Variants in SPMIP2 observed in about 807,000 individuals in gnomAD.
SPMIP2 encodes sperm microtubule inner protein 2.
the SPMIP2 span, among the ~76,000 whole-genome samples, chr4:158,894,170 CTTT>C: frequency 1.4e-4 from 18 of 127,450 alleles, no homozygotes; most frequent in Non-Finnish European, 1.5e-4. Context: ...AAAATGTTTT[CTTT>C]TTTTTTTTTT....
the SPMIP2 span, among the ~76,000 whole-genome samples, chr4:159,017,805 G>A: frequency 6.6e-6 from 1 of 152,198 alleles, no homozygotes; most frequent in Non-Finnish European, 1.5e-5. Flanking sequence ...CAAGAGCTCA[G>A]AGCCAAGGAG....
chr4:158,900,392 C>A, the SPMIP2 span, among the ~76,000 whole-genome samples: 2 of 152,078 alleles, frequency 1.3e-5, no homozygotes, highest in African/African-American at 4.8e-5. Flanking sequence ...GTCCTGAATA[C>A]CCTGTTAATT....
At chr4:158,978,304 T>C in the SPMIP2 span, among the ~76,000 whole-genome samples, 1 of 152,236 alleles carries the variant, frequency 6.6e-6, no homozygotes, top group South Asian at 2.1e-4. Flanking sequence ...TTCTGATCTT[T>C]TGCATTTGCT....
At chr4:158,904,739 TTG>T in the SPMIP2 span, 6 of 570,534 alleles carry the variant, frequency 1.1e-5, no homozygotes, top group Non-Finnish European at 1.6e-5. Context: ...ATAATAGCAT[TTG>T]TGATTGTCGT....
the SPMIP2 span, chr4:159,035,113 G>T: frequency 6.2e-7 from 1 of 1,606,372 alleles, no homozygotes; most frequent in South Asian, 1.1e-5. Flanking sequence ...AGTCTTAACC[G>T]TGCTACTGGA....
the SPMIP2 span, among the ~76,000 whole-genome samples, chr4:159,067,740 A>T: frequency 6.6e-6 from 1 of 152,222 alleles, no homozygotes; most frequent in East Asian, 1.9e-4. Flanking sequence ...GAATGGGAGA[A>T]AATTTTTGCA....
the SPMIP2 span, among the ~76,000 whole-genome samples, chr4:158,946,451 G>A: frequency 6.6e-5 from 10 of 152,152 alleles, no homozygotes; most frequent in Non-Finnish European, 1.2e-4. Context: ...GATCATGGGG[G>A]CGGTTTCCCC....
the SPMIP2 span, among the ~76,000 whole-genome samples, chr4:158,895,287 G>A: frequency 6.6e-6 from 1 of 152,108 alleles, no homozygotes; most frequent in African/African-American, 2.4e-5. Context: ...AATAATCTGA[G>A]CTATTGGGGG....
chr4:158,931,357 C>T, the SPMIP2 span, among the ~76,000 whole-genome samples: 2 of 152,142 alleles, frequency 1.3e-5, no homozygotes, highest in Non-Finnish European at 2.9e-5. Context: ...TCAAGCAATT[C>T]TTGTGCCTCA....
chr4:158,921,630 G>A, the SPMIP2 span, among the ~76,000 whole-genome samples: 5 of 152,038 alleles, frequency 3.3e-5, no homozygotes, highest in African/African-American at 1.2e-4. Context: ...CTGCAGAACT[G>A]TAAGCCAATT....
At chr4:158,978,586 G>T in the SPMIP2 span, among the ~76,000 whole-genome samples, 2 of 152,174 alleles carry the variant, frequency 1.3e-5, no homozygotes, top group Non-Finnish European at 2.9e-5. Flanking sequence ...CTTGCTTTAT[G>T]AATCTGGGTG....
At chr4:158,903,550 C>CTCA in the SPMIP2 span, among the ~76,000 whole-genome samples, 2 of 152,148 alleles carry the variant, frequency 1.3e-5, no homozygotes, top group Non-Finnish European at 2.9e-5. Context: ...CCCCTTTGCA[C>CTCA]TCATCTCTAG....
At chr4:158,931,336 G>C in the SPMIP2 span, among the ~76,000 whole-genome samples, 1 of 152,008 alleles carries the variant, frequency 6.6e-6, no homozygotes, top group East Asian at 1.9e-4. Flanking sequence ...TGCAACCTCT[G>C]CCTCCTGGGT....
At chr4:158,915,933 T>C in the SPMIP2 span, among the ~76,000 whole-genome samples, 1 of 152,190 alleles carries the variant, frequency 6.6e-6, no homozygotes. Context: ...GAAACAGGAT[T>C]GTAAGGGTAG....
the SPMIP2 span, among the ~76,000 whole-genome samples, chr4:158,933,228 C>G: frequency 1.3e-5 from 2 of 152,192 alleles, no homozygotes; most frequent in East Asian, 3.8e-4. Context: ...CTCCTGACCT[C>G]AAGTGATCCG....
chr4:158,939,386 T>A, the SPMIP2 span, among the ~76,000 whole-genome samples: 1,213 of 152,328 alleles, frequency 8.0e-3, 19 homozygotes, highest in African/African-American at 0.028. Flanking sequence ...TCTTATTTCA[T>A]CTCTATCCTA....
the SPMIP2 span, among the ~76,000 whole-genome samples, chr4:159,042,387 C>T: frequency 1.3e-5 from 2 of 152,306 alleles, no homozygotes; most frequent in South Asian, 4.1e-4. Flanking sequence ...TGGCCGTTGG[C>T]CAAAGTGAAG....
the SPMIP2 span, among the ~76,000 whole-genome samples, chr4:158,990,120 G>GA: frequency 1.3e-5 from 2 of 152,082 alleles, no homozygotes; most frequent in Non-Finnish European, 2.9e-5. Context: ...ATAAACATAT[G>GA]AAAAAAAGCT....
At chr4:158,978,145 CTTAT>C in the SPMIP2 span, among the ~76,000 whole-genome samples, 5 of 152,126 alleles carry the variant, frequency 3.3e-5, no homozygotes, top group African/African-American at 9.7e-5. Context: ...TTTCAAAGAA[CTTAT>C]TTATTTCTGC....
Sources: allele counts gnomAD v4.1 joint callset (sites outside exome capture counted in the v4.1 genomes callset), GRCh38; gene constraint gnomAD v4.1.1; transcripts MANE v1.5; gene names NCBI Gene and HGNC (gene_info 2026-07-23, HGNC 2026-07-21).